ROBO2: variants seen among roughly 807,000 people sequenced by gnomAD.
ROBO2 encodes the protein roundabout homolog 2.
Under a neutral mutation model 160.8 loss-of-function variants are expected in ROBO2, and 53 were observed. The ratio of observed to expected loss-of-function variants is 0.33; its 90% CI spans 0.26 to 0.41. The LOEUF is 0.41. Among genes scored for constraint, ROBO2 ranks in the 10% least tolerant of loss-of-function variants. ROBO2 has a pLI of 1.00. For synonymous variants in ROBO2, 664 were observed against 611.7 expected (o/e 1.09, Z -1.26); for missense variants, 1,577 against 1,722.4 (o/e 0.92, Z 1.49).
intron 2 of ROBO2, among the ~76,000 whole-genome samples, chr3:76,748,338 T>G (rs901379061): frequency 2.6e-5 from 4 of 151,718 alleles, no homozygotes; most frequent in African/African-American, 9.7e-5. Context: ...TAATGATTAA[T>G]ATTATATGTA....
chr3:77,582,363 G>T (rs2093941966), intron 16 of ROBO2, among the ~76,000 whole-genome samples: 1 of 152,040 alleles, frequency 6.6e-6, no homozygotes, highest in African/African-American at 2.4e-5. Context: ...GGCCTCCCAG[G>T]CATGAGCCAC....
intron 2 of ROBO2, chr3:75,965,048 C>T (rs1949054245): frequency 6.6e-6 from 1 of 151,722 alleles, no homozygotes; most frequent in Admixed American, 6.6e-5. Flanking sequence ...TAGTTTGGAA[C>T]ACCACTACAT....
intron 2 of ROBO2, among the ~76,000 whole-genome samples, chr3:76,821,573 G>A (rs561357492): frequency 6.6e-6 from 1 of 151,980 alleles, no homozygotes; most frequent in East Asian, 1.9e-4. Flanking sequence ...TCTTTAAAAG[G>A]TTGTTATGAG....
chr3:77,533,785 T>A (rs2091914979), intron 6 of ROBO2, among the ~76,000 whole-genome samples: 1 of 152,130 alleles, frequency 6.6e-6, no homozygotes, highest in African/African-American at 2.4e-5. Flanking sequence ...CTTAAGTATA[T>A]CTCAAAATAT....
At chr3:77,572,123 C>T (rs543018346) in intron 13 of ROBO2, among the ~76,000 whole-genome samples, 9 of 151,978 alleles carry the variant, frequency 5.9e-5, no homozygotes, top group African/African-American at 2.2e-4. Context: ...AGACTCCCTT[C>T]ATCTGGAAAC....
At chr3:76,629,226 C>G (rs1020991329) in intron 2 of ROBO2, among the ~76,000 whole-genome samples, 3 of 152,216 alleles carry the variant, frequency 2.0e-5, no homozygotes, top group Non-Finnish European at 4.4e-5. Context: ...AAAATCCACA[C>G]TGTTCTTCTT....
intron 2 of ROBO2, among the ~76,000 whole-genome samples, chr3:77,164,946 A>G (rs2078916323): frequency 7.4e-6 from 1 of 134,626 alleles, no homozygotes; most frequent in African/African-American, 2.8e-5. Context: ...GGGGGCGGTC[A>G]GCCCCCCAAC....
chr3:76,631,749 A>G (rs909560366), intron 2 of ROBO2, among the ~76,000 whole-genome samples: 1 of 152,116 alleles, frequency 6.6e-6, no homozygotes, highest in Non-Finnish European at 1.5e-5. Flanking sequence ...AATTATTGTT[A>G]AACCTGGCTT....
intron 2 of ROBO2, among the ~76,000 whole-genome samples, chr3:76,593,689 A>G (rs1181437657): frequency 6.6e-6 from 1 of 152,076 alleles, no homozygotes; most frequent in Admixed American, 6.6e-5. Flanking sequence ...ACACTAGTAA[A>G]AATGTAGGTA....
At chr3:77,568,291 T>C (rs2093546598) in intron 12 of ROBO2, 22 bp from the exon 14 acceptor site, 1 of 1,612,132 alleles carries the variant, frequency 6.2e-7, no homozygotes, top group Non-Finnish European at 8.5e-7. Context: ...AAGGTGGGAA[T>C]GATTCTCTTC....
intron 2 of ROBO2, among the ~76,000 whole-genome samples, chr3:76,282,924 A>G (rs1379964445): frequency 2.0e-5 from 3 of 151,372 alleles, no homozygotes; most frequent in Admixed American, 1.3e-4. Flanking sequence ...TCTAGTTTTT[A>G]TAGCATTTAT....
chr3:76,121,886 T>G (rs2070767190), intron 2 of ROBO2, among the ~76,000 whole-genome samples: 1 of 152,190 alleles, frequency 6.6e-6, no homozygotes, highest in African/African-American at 2.4e-5. Flanking sequence ...AAATAGACTC[T>G]CTGAATTCAG....
chr3:76,225,639 G>T (rs1391910776), intron 2 of ROBO2, among the ~76,000 whole-genome samples: 3 of 152,040 alleles, frequency 2.0e-5, no homozygotes, highest in Non-Finnish European at 4.4e-5. Context: ...CCTTGAGTCT[G>T]GGAGGTGGAG....
At chr3:77,279,056 T>A (rs1402288878) in intron 2 of ROBO2, among the ~76,000 whole-genome samples, 1 of 152,088 alleles carries the variant, frequency 6.6e-6, no homozygotes, top group African/African-American at 2.4e-5. Flanking sequence ...ACCTCGATAT[T>A]TTATTAGTGA....
At chr3:76,602,023 G>A (rs965950169) in intron 2 of ROBO2, among the ~76,000 whole-genome samples, 1 of 152,068 alleles carries the variant, frequency 6.6e-6, no homozygotes, top group African/African-American at 2.4e-5. Context: ...CAGGAGCAGG[G>A]GCAAAATGCC....
chr3:76,838,095 G>A (rs1218278975), intron 2 of ROBO2, among the ~76,000 whole-genome samples: 2 of 152,068 alleles, frequency 1.3e-5, no homozygotes, highest in Non-Finnish European at 2.9e-5. Context: ...AACATGGATG[G>A]AGCTGGTGGC....
intron 2 of ROBO2, among the ~76,000 whole-genome samples, chr3:76,863,348 A>G (rs2071002710): frequency 6.6e-6 from 1 of 151,668 alleles, no homozygotes; most frequent in African/African-American, 2.4e-5. Flanking sequence ...TTGGTTTTTT[A>G]AAAATCAGAT....
intron 2 of ROBO2, among the ~76,000 whole-genome samples, chr3:76,960,800 T>G (rs1040518110): frequency 3.3e-5 from 5 of 152,174 alleles, no homozygotes; most frequent in Admixed American, 2.6e-4. Context: ...AATAAACCAC[T>G]GTAGCACTAT....
chr3:76,859,922 C>T (rs188194242), intron 2 of ROBO2, among the ~76,000 whole-genome samples: 1 of 152,346 alleles, frequency 6.6e-6, no homozygotes, highest in Non-Finnish European at 1.5e-5. Context: ...CTACCTCTCA[C>T]CAGCACTGAG....
Sources: allele counts gnomAD v4.1 joint callset (sites outside exome capture counted in the v4.1 genomes callset), GRCh38; gene constraint gnomAD v4.1.1; transcripts MANE v1.5; gene names NCBI Gene and HGNC (gene_info 2026-07-23, HGNC 2026-07-21).